The following CS variants were observed in gnomAD, a reference collection of about 807,000 sequenced individuals.
CS encodes citrate synthase.
In CS, 13 loss-of-function variants were observed where a neutral mutation model predicts 61.4. The observed-to-expected ratio is 0.21, with a 90% CI of 0.14 to 0.34. The LOEUF (loss-of-function observed/expected upper bound fraction) is 0.34, where lower values mean the gene tolerates loss of function less well. Ranked by LOEUF, CS falls within the 10% of genes least tolerant of loss-of-function variation. The probability of loss-of-function intolerance (pLI) is 1.00; values close to 1 mark genes in which losing one functional copy is unlikely to be tolerated. For synonymous variants in CS, 159 were observed against 215.2 expected, an observed-to-expected ratio of 0.74 and a Z score of 2.29; for missense variants, 278 against 573.4, an observed-to-expected ratio of 0.48 and a Z score of 5.26.
intron 1 of CS, among the ~76,000 whole-genome samples, chr12:56,296,637 A>G (rs1285122285): frequency 2.0e-5 from 3 of 152,160 alleles, no homozygotes; most frequent in African/African-American, 7.2e-5. Context: ...ATTGAAATCC[A>G]CCAAGTCTGG....
chr12:56,277,851 A>G (rs905440140), intron 6 of CS, among the ~76,000 whole-genome samples: 7 of 150,116 alleles, frequency 4.7e-5, no homozygotes, highest in African/African-American at 1.7e-4. Context: ...TTAGTCTTGA[A>G]CTCCCGACCT....
chr12:56,271,795 A>T lies in CS; in HGVS notation c.*1289T>A. 2.2e-6 allele frequency: 1 copy of T among 450,658 alleles called. No homozygotes were observed. The highest frequency in any genetic ancestry group is 4.5e-6 in the Non-Finnish European group (1 of 224,072). The allele number at this position is 450,658 out of a possible 1,614,324, so 27.9% of individuals were successfully genotyped here. A position where few individuals can be genotyped will look rare whatever the true frequency, so the allele number is the denominator to read the frequency against. ...TACCCAGGGGTTTACAGTGTGTCCA[A>T]CTCAACAGTGTGGTTCTGGGACTGG... On this transcript the variant is annotated 3_prime_UTR_variant, in exon 11 of 11. Coordinates refer to ENST00000351328, the MANE Select transcript of CS (RefSeq NM_004077.3).
chr12:56,289,689 G>A (rs988467394), intron 1 of CS, among the ~76,000 whole-genome samples: 8 of 151,784 alleles, frequency 5.3e-5, no homozygotes, highest in Admixed American at 2.0e-4. Context: ...TGATCTGCCC[G>A]CCTCGGCCTC....
At position 56,285,799 on chromosome 12, in the gene CS, G is replaced by A. The variant is rs549258984; in HGVS notation, c.201+117C>T. 20 of 812,300 alleles carry A rather than the reference G, an allele frequency of 2.5e-5. No homozygotes were observed. In the South Asian group the frequency reaches 2.9e-4, roughly 12 times the overall value. 50.3% of individuals were successfully genotyped at this position (812,300 alleles called of 1,614,324 possible). On this transcript the variant is annotated intron_variant, in intron 3 of 10. Transcript: ENST00000351328. ...AAGGATGGGGAAAAGTCATCCTAAAGCTGTCCTACAGGGCCTATGGGACAG... is the reference window on the plus strand; with the variant it reads ...AAGGATGGGGAAAAGTCATCCTAAAACTGTCCTACAGGGCCTATGGGACAG...
intron 2 of CS, 38 bp downstream of exon 2, chr12:56,286,556 CA>C: frequency 1.2e-6 from 2 of 1,603,198 alleles, no homozygotes; most frequent in Non-Finnish European, 1.7e-6. Flanking sequence ...AGGCTGGCCG[CA>C]ATGATTCTTA....
At chr12:56,282,298 TAA>T (rs1261121646) in intron 6 of CS, 120 bp downstream of exon 6, 1 of 748,772 alleles carries the variant, frequency 1.3e-6, no homozygotes. Flanking sequence ...GAAAATCTGT[TAA>T]GTTAGTTTCT....
intron 6 of CS, among the ~76,000 whole-genome samples, chr12:56,280,416 C>CAAAAA (rs1190260476): frequency 0.32 from 27,929 of 88,110 alleles, 6,337 homozygotes; most frequent in East Asian, 0.56. Flanking sequence ...CACCGTCTCC[C>CAAAAA]AAAAAAAACA....
Position 56,273,254 on chromosome 12 carries a change from A to G in CS, c.1231T>C (p.Tyr411His), listed in dbSNP as rs1355858394. ...VDAHSGVLLQ[Y>H]YGMTEMNYYT... ...TAATTCATCTCCGTCATGCCATAAT[A>G]CTGTAAGGTAGAAGAGAAAAATATT... Residue 411 changes from tyrosine to histidine, a missense_variant and splice_region_variant, in exon 11 of 11, where the codon TAT becomes CAT. By Grantham distance (83) the Tyr-to-His change is moderately conservative. Transcript: ENST00000351328. 37 of 1,613,796 alleles carry G rather than the reference A, an allele frequency of 2.3e-5. No homozygotes were observed. The highest frequency in any genetic ancestry group is 2.9e-5 in the Non-Finnish European group (34 of 1,179,852).
rs755922620 is a variant in CS at position 56,283,838 on chromosome 12, C to T, written c.221G>A (p.Gly74Asp). 3.3e-5 allele frequency: 54 copies of T among 1,612,780 alleles called. No homozygotes were observed. Among genetic ancestry groups the T allele is most frequent in the Non-Finnish European group, 4.2e-5 (50 of 1,179,118 alleles). Residue 74 changes from glycine (G) to aspartate (D), a missense_variant, in exon 4 of 11, where the codon GGC (glycine) becomes GAC (aspartate). Physicochemically the swap from Gly to Asp is moderately conservative, Grantham distance 94. This residue lies in a region of CS where 223 missense variants were observed against 503.5 expected (regional missense o/e 0.44). Transcript: ENST00000351328. ...TVDMMYGGMR[G>D]MKGLVYETSV... ...TGTTTCATAGACCAATCCCTTCATG[C>T]CTCTCATGCCACCATACATCTAAAG...
intron 6 of CS, among the ~76,000 whole-genome samples, chr12:56,280,813 C>A (rs897658338): frequency 2.6e-5 from 4 of 151,984 alleles, no homozygotes; most frequent in African/African-American, 4.8e-5. Context: ...ACATTCATAC[C>A]ACCTAAAGTG....
chr12:56,290,208 T>TTTTG (rs903001507), intron 1 of CS, among the ~76,000 whole-genome samples: 4 of 151,558 alleles, frequency 2.6e-5, no homozygotes, highest in African/African-American at 9.7e-5. Flanking sequence ...TTTTATGTTT[T>TTTTG]TTTGTTTGTT....
chr12:56,282,409 A>T lies in CS; in HGVS notation c.588+11T>A. ...CCATCACACACCGATCACCCCACCC[A>T]AATTTCCTACCTCCCAGTACTTGGT... On this transcript the variant is annotated intron_variant, in intron 6 of 10. Transcript: ENST00000351328. The T allele has an allele frequency of 6.4e-7, 1 of 1,571,676 alleles. No individual in the cohort carries two copies. Among genetic ancestry groups the T allele is most frequent in the Non-Finnish European group, 8.6e-7 (1 of 1,156,850 alleles).
chr12:56,275,079 C>A lies in CS; in HGVS notation c.841G>T (p.Ala281Ser), dbSNP rs1199784405. The A allele has an allele frequency of 6.2e-7, 1 of 1,614,232 alleles. No homozygotes were observed. The highest frequency in any genetic ancestry group is 8.5e-7 in the Non-Finnish European group (1 of 1,180,040). Residue 281 changes from alanine (A) to serine (S), a missense_variant, in exon 8 of 11, where the codon GCC becomes TCC. By Grantham distance (99) the Ala-to-Ser change is moderately conservative (BLOSUM62 1). Around this residue, in one of 2 missense-constraint regions of CS, gnomAD observed 223 missense variants for 503.5 expected, o/e 0.44. Coordinates refer to ENST00000351328, the MANE Select transcript of CS (RefSeq NM_004077.3). Reference sequence around the variant, plus strand: ...AAGGACAGGTAAGGGTCGGAAAGGGCACTGCCCACCAAATGGCTGGTATGG... The same window carrying A: ...AAGGACAGGTAAGGGTCGGAAAGGGAACTGCCCACCAAATGGCTGGTATGG... ...SAHTSHLVGSALSDPYLSFAA... is the reference protein window; with the variant it reads ...SAHTSHLVGSSLSDPYLSFAA...
chr12:56,280,084 C>A (rs1224966007), intron 6 of CS, among the ~76,000 whole-genome samples: 1 of 151,492 alleles, frequency 6.6e-6, no homozygotes, highest in Non-Finnish European at 1.5e-5. Flanking sequence ...TCTGGACCAG[C>A]CGTTCTAGAC....
chr12:56,296,615 T>C (rs1873315113), intron 1 of CS, among the ~76,000 whole-genome samples: 1 of 152,186 alleles, frequency 6.6e-6, no homozygotes, highest in Non-Finnish European at 1.5e-5. Flanking sequence ...GAAAGAATCA[T>C]TGTGTGGCTT....
intron 3 of CS, among the ~76,000 whole-genome samples, chr12:56,285,630 C>G (rs142631402): frequency 6.6e-6 from 1 of 152,128 alleles, no homozygotes; most frequent in Non-Finnish European, 1.5e-5. Flanking sequence ...TTTCTCCTGC[C>G]CACTCAACCA....
Position 56,286,595 on chromosome 12 carries a change from C to A in CS, c.93G>T (p.Thr31=). The A allele has an allele frequency of 6.2e-7, 1 of 1,613,870 alleles. No homozygotes were observed. The highest frequency in any genetic ancestry group is 8.5e-7 in the Non-Finnish European group (1 of 1,179,860). Residue 31 remains threonine, a splice_region_variant and synonymous_variant, in exon 2 of 11, where the codon ACG becomes ACT. Coordinates refer to ENST00000351328, the MANE Select transcript of CS (RefSeq NM_004077.3). ...CTTAGTCTTCTTTTCCAAACCTTAC[C>A]GTGGAGGAAGCACTGGCATGCCGGG... The part of the protein sequence containing the change: ...LAARHASASS[T]NLKDILADLI...
Position 56,285,381 on chromosome 12 carries a change from C to T in CS, c.201+535G>A. ...CACTGCAGCCCTGAACTCCTGGGCT[C>T]AAGCAATCCTCCTGCCTTTGCCTCC... On this transcript the variant is annotated intron_variant, in intron 3 of 10. Coordinates refer to ENST00000351328, the MANE Select transcript of CS (RefSeq NM_004077.3). 2 of 262,186 alleles carry T rather than the reference C, an allele frequency of 7.6e-6. 1 individual carries two copies. Among genetic ancestry groups the T allele is most frequent in the South Asian group, 6.9e-5 (2 of 28,866 alleles). 16.2% of individuals were successfully genotyped at this position (262,186 alleles called of 1,614,324 possible).
chr12:56,279,859 C>T (rs1390996877), intron 6 of CS, among the ~76,000 whole-genome samples: 2 of 141,336 alleles, frequency 1.4e-5, no homozygotes, highest in Non-Finnish European at 3.1e-5. Context: ...TCCCAGCTAC[C>T]GGGGAGGCTG....
Sources: gnomAD v4.1 joint callset for allele counts (sites outside exome capture counted in the v4.1 genomes callset) on GRCh38, gnomAD v4.1.1 for gene constraint, gnomAD v4.1.1 regional missense constraint, MANE v1.5 for transcripts, NCBI Gene and HGNC (gene_info 2026-07-23, HGNC 2026-07-21) for gene names.